Variants in MYO1E observed in about 807,000 individuals in gnomAD.
The protein encoded by MYO1E is unconventional myosin-Ie.
In MYO1E, 68 loss-of-function variants were observed where a neutral mutation model predicts 151.1. The observed-to-expected ratio is 0.45, with a 90% CI of 0.37 to 0.55. The LOEUF is 0.55. Among genes scored for constraint, MYO1E ranks in the 20% least tolerant of loss-of-function variants. The pLI is 0.00. For missense variants in MYO1E, 1,363 were observed against 1,389.3 expected (o/e 0.98, Z 0.30); for synonymous variants, 601 against 501.7 (o/e 1.20, Z -2.64).
At chr15:59,209,751 C>T (rs573224833) in intron 13 of MYO1E, among the ~76,000 whole-genome samples, 14 of 128,392 alleles carry the variant, frequency 1.1e-4, no homozygotes, top group Non-Finnish European at 2.0e-4. Context: ...CAGTTTTTGG[C>T]TTTTATATAT....
At chr15:59,151,049 A>AG (rs1566964868) in intron 26 of MYO1E, among the ~76,000 whole-genome samples, 18 of 129,558 alleles carry the variant, frequency 1.4e-4, no homozygotes, top group Admixed American at 1.2e-3. Context: ...ACACACACAC[A>AG]CGCGCGCGCG....
chr15:59,141,252 T>A (rs1196715689), intron 26 of MYO1E, among the ~76,000 whole-genome samples: 1 of 152,056 alleles, frequency 6.6e-6, no homozygotes, highest in Non-Finnish European at 1.5e-5. Flanking sequence ...TGCACACATG[T>A]GCACGCACAC....
chr15:59,285,197 G>A (rs1596400625), intron 1 of MYO1E, among the ~76,000 whole-genome samples: 1 of 152,256 alleles, frequency 6.6e-6, no homozygotes, highest in Non-Finnish European at 1.5e-5. Flanking sequence ...CCTTGGGCAA[G>A]GCCAGTTTCA....
chr15:59,294,992 T>C lies in MYO1E; in HGVS notation c.4-22543A>G, dbSNP rs2080440745. On this transcript the variant is annotated intron_variant, in intron 1 of 27. Coordinates refer to ENST00000288235, the MANE Select transcript of MYO1E (RefSeq NM_004998.4). The stretch of plus-strand genomic sequence containing the variant: ...ATTATCGGTAATCTTGTCTGTCCTC[T>C]GACCCCCACTGTTGGCTTATTTATA... Among the ~76,000 whole-genome samples, 3 of 152,178 alleles carry C rather than the reference T, an allele frequency of 2.0e-5. No homozygotes were observed. The South Asian group carries it at 6.2e-4, about 32-fold the overall frequency.
At chr15:59,202,446 GT>G (rs1404771922) in intron 15 of MYO1E, 39 bp from the exon 16 acceptor site, 1 of 1,571,582 alleles carries the variant, frequency 6.4e-7, no homozygotes, top group Non-Finnish European at 8.8e-7. Flanking sequence ...CAATCTGTAA[GT>G]ACCTCTGGGG....
intron 1 of MYO1E, among the ~76,000 whole-genome samples, chr15:59,288,443 T>C (rs1243933439): frequency 6.6e-6 from 1 of 152,206 alleles, no homozygotes; most frequent in Non-Finnish European, 1.5e-5. Context: ...TCCCAAAGTG[T>C]TGGGATTACA....
intron 1 of MYO1E, among the ~76,000 whole-genome samples, chr15:59,339,624 T>A (rs1351312223): frequency 1.3e-5 from 2 of 152,096 alleles, no homozygotes; most frequent in East Asian, 1.9e-4. Flanking sequence ...CCTAATAGGG[T>A]TGTTCAGTCA....
intron 1 of MYO1E, among the ~76,000 whole-genome samples, chr15:59,339,981 G>A (rs2080754284): frequency 6.6e-6 from 1 of 151,808 alleles, no homozygotes. Context: ...CCTAGTAGCT[G>A]GGATTACAGG....
intron 12 of MYO1E, among the ~76,000 whole-genome samples, chr15:59,210,971 G>A (rs950811753): frequency 6.6e-6 from 1 of 152,120 alleles, no homozygotes; most frequent in African/African-American, 2.4e-5. Flanking sequence ...GGAGGCCGAG[G>A]TGGGCGGATC....
intron 1 of MYO1E, among the ~76,000 whole-genome samples, chr15:59,361,244 G>C (rs577580042): frequency 1.9e-4 from 29 of 152,136 alleles, no homozygotes; most frequent in Non-Finnish European, 3.4e-4. Context: ...GCTGAGACCA[G>C]AACTGCCACG....
chr15:59,221,740 A>G (rs1257212380), intron 9 of MYO1E, among the ~76,000 whole-genome samples: 1 of 152,172 alleles, frequency 6.6e-6, no homozygotes, highest in Non-Finnish European at 1.5e-5. Flanking sequence ...CTGGACATCA[A>G]TGTGCAATAA....
At chr15:59,216,594 G>GTATCTATCTATCTATC (rs1290267352) in intron 10 of MYO1E, among the ~76,000 whole-genome samples, 102 of 100,476 alleles carry the variant, frequency 1.0e-3, no homozygotes, top group African/African-American at 3.6e-3. Context: ...GTGTGTGTGT[G>GTATCTATCTATCTATC]TATCTATCTA....
At chr15:59,306,101 G>C in intron 1 of MYO1E, among the ~76,000 whole-genome samples, 1 of 152,118 alleles carries the variant, frequency 6.6e-6, no homozygotes. Context: ...ATTTAAATGC[G>C]ATAAAATTAA....
In MYO1E at chr15:59,323,662, GA is replaced by G. The variant is rs376424401; in HGVS notation, c.3+48835del. Among the ~76,000 whole-genome samples the G allele has an allele frequency of 8.7e-3, 1,234 of 141,980 alleles. 14 individuals carry two copies. The highest frequency in any genetic ancestry group is 0.028 in the African/African-American group (1,100 of 38,960). 93.1% of individuals were successfully genotyped at this position (141,980 alleles called of 152,430 possible). On this transcript the variant is annotated intron_variant, in intron 1 of 27. Coordinates refer to ENST00000288235, the MANE Select transcript of MYO1E (RefSeq NM_004998.4). ...CAGAATGAGACTCCGCCTCAAAAAA[GA>G]AAAAAAAAAAATTAAGGGTGATTTG...
intron 22 of MYO1E, among the ~76,000 whole-genome samples, chr15:59,170,159 T>TAAAACAAAACAAAAC (rs199974292): frequency 6.6e-6 from 1 of 151,620 alleles, no homozygotes; most frequent in African/African-American, 2.4e-5. Flanking sequence ...AGACTCTGTC[T>TAAAACAAAACAAAAC]AAAACAAAAC....
At chr15:59,174,029 C>T in intron 20 of MYO1E, 97 bp downstream of exon 20, 1 of 1,484,202 alleles carries the variant, frequency 6.7e-7, no homozygotes, top group Non-Finnish European at 9.4e-7. Flanking sequence ...TTTAGCGTGA[C>T]ATTATATGCA....
rs528747058 is a variant in MYO1E, at chr15:59,186,148, G to T, written c.1904+1970C>A. 4.0e-4 allele frequency among the ~76,000 whole-genome samples: 61 copies of T among 152,214 alleles called. No homozygotes were observed. The Middle Eastern group carries it at 0.014, about 34-fold the overall frequency. ...GGCGTACTGACGTCTTTAATTCAGA[G>T]AACAAAGAGGGTAAACCTTGTTCCT... is the stretch of plus-strand genomic sequence containing the variant. On this transcript the variant is annotated intron_variant, in intron 18 of 27. Coordinates refer to ENST00000288235, the MANE Select transcript of MYO1E (RefSeq NM_004998.4).
intron 1 of MYO1E, among the ~76,000 whole-genome samples, chr15:59,275,203 G>A (rs1316641210): frequency 4.6e-5 from 7 of 152,086 alleles, no homozygotes; most frequent in East Asian, 3.9e-4. Context: ...ATTTCTACCC[G>A]TTAAGTTTAA....
intron 26 of MYO1E, among the ~76,000 whole-genome samples, chr15:59,149,885 A>C (rs1003189686): frequency 6.6e-6 from 1 of 152,184 alleles, no homozygotes; most frequent in Non-Finnish European, 1.5e-5. Flanking sequence ...AAAAGTACAA[A>C]CTTGGGATCC....
Sources: gnomAD v4.1 joint callset for allele counts (sites outside exome capture counted in the v4.1 genomes callset) on GRCh38, gnomAD v4.1.1 for gene constraint, MANE v1.5 for transcripts, NCBI Gene and HGNC (gene_info 2026-07-23, HGNC 2026-07-21) for gene names.